The following LAMA2 variants were observed in gnomAD, a reference collection of about 807,000 sequenced individuals.
LAMA2 encodes the protein laminin subunit alpha 2, also known as laminin subunit alpha-2.
LAMA2 carries 269 observed loss-of-function variants against 364.8 expected under a neutral mutation model. The ratio of observed to expected loss-of-function variants is 0.74; its 90% confidence interval spans 0.67 to 0.82. The LOEUF (loss-of-function observed/expected upper bound fraction) is 0.82. Ranked by LOEUF, LAMA2 falls within the 40% of genes least tolerant of loss-of-function variation. LAMA2 has a pLI of 0.00. For missense variants in LAMA2, 3,807 were observed against 3,873.2 expected (o/e 0.98, Z 0.45); for synonymous variants, 1,379 against 1,370.6 (o/e 1.01, Z -0.14).
rs867009340 is a variant in LAMA2 at position 129,115,995 on chromosome 6, G to A, written c.639+17580G>A. Among the ~76,000 whole-genome samples the A allele has an allele frequency of 3.3e-5, 5 of 152,008 alleles. No homozygotes were observed. The South Asian group carries it at 1.0e-3, about 31-fold the overall frequency. ...TTTTATGCATGCAATTAGCAATTTG[G>A]GATTTGCACAAGGTTTTTCCAGAGT... On this transcript the variant is annotated intron_variant, in intron 4 of 64. Transcript: ENST00000421865.
chr6:129,290,138 T>A (rs750153498), intron 19 of LAMA2, among the ~76,000 whole-genome samples: 22 of 152,162 alleles, frequency 1.4e-4, no homozygotes, highest in Non-Finnish European at 2.5e-4. Context: ...TACGATAACA[T>A]TAATTAATTA....
At chr6:129,053,991 G>A (rs1338294035) in intron 2 of LAMA2, among the ~76,000 whole-genome samples, 1 of 152,058 alleles carries the variant, frequency 6.6e-6, no homozygotes, top group Admixed American at 6.5e-5. Context: ...AAAACATATG[G>A]GTCATTAAGC....
At chr6:129,175,240 A>G (rs1780502458) in intron 9 of LAMA2, among the ~76,000 whole-genome samples, 1 of 152,166 alleles carries the variant, frequency 6.6e-6, no homozygotes, top group African/African-American at 2.4e-5. Context: ...TCATAAGTTA[A>G]TTGCCTGTGA....
At chr6:129,359,330 A>G (rs899291668) in intron 32 of LAMA2, among the ~76,000 whole-genome samples, 2 of 149,816 alleles carry the variant, frequency 1.3e-5, no homozygotes, top group African/African-American at 4.9e-5. Flanking sequence ...ATCATAAAAC[A>G]TATATATAAA....
At chr6:129,020,368 A>C (rs1049364318) in intron 1 of LAMA2, among the ~76,000 whole-genome samples, 5 of 152,308 alleles carry the variant, frequency 3.3e-5, no homozygotes, top group East Asian at 3.9e-4. Context: ...TAGACAGATT[A>C]ACATGAGAAA....
At chr6:129,324,326 T>C (rs1994618) in intron 28 of LAMA2, among the ~76,000 whole-genome samples, 2,096 of 152,294 alleles carry the variant, frequency 0.014, 105 homozygotes, top group Admixed American at 0.098. Context: ...GAACCTACCA[T>C]TGATTGAGTG....
intron 3 of LAMA2, among the ~76,000 whole-genome samples, chr6:129,081,487 A>T (rs1774054750): frequency 6.6e-6 from 1 of 152,200 alleles, no homozygotes; most frequent in Admixed American, 6.5e-5. Context: ...ATTAAATGCT[A>T]TTCATTGGTC....
chr6:129,230,291 G>A (rs1299342725), intron 12 of LAMA2, among the ~76,000 whole-genome samples: 2 of 152,144 alleles, frequency 1.3e-5, no homozygotes, highest in Non-Finnish European at 2.9e-5. Flanking sequence ...TAAGAAATGA[G>A]AATTGACCAT....
At chr6:129,486,992 T>C (rs1231727708) in intron 56 of LAMA2, among the ~76,000 whole-genome samples, 4 of 152,220 alleles carry the variant, frequency 2.6e-5, no homozygotes, top group Non-Finnish European at 1.5e-5. Context: ...CCAGCAGGCT[T>C]TGGCGGTTTC....
chr6:128,907,504 A>T (rs1170877212), intron 1 of LAMA2, among the ~76,000 whole-genome samples: 5 of 152,078 alleles, frequency 3.3e-5, no homozygotes, highest in African/African-American at 1.2e-4. Flanking sequence ...GACTTTGCTG[A>T]AGTTGCTTAT....
At position 129,116,799 on chromosome 6, in the gene LAMA2, T is replaced by G. The variant is rs114150993; in HGVS notation, c.639+18384T>G. On this transcript the variant is annotated intron_variant, in intron 4 of 64. Transcript: ENST00000421865. ...CAGGTTGTCTGGTTTTTTACTATTT[T>G]TCTTATCCATAGCAAGGTTGGTGCT... 8.9e-3 allele frequency among the ~76,000 whole-genome samples: 1,350 copies of G among 152,140 alleles called. 27 individuals carry two copies. Among genetic ancestry groups the G allele is most frequent in the African/African-American group, 0.031 (1,305 of 41,518 alleles).
At chr6:128,954,351 TG>T in intron 1 of LAMA2, among the ~76,000 whole-genome samples, 1 of 152,134 alleles carries the variant, frequency 6.6e-6, no homozygotes, top group East Asian at 1.9e-4. Context: ...TTAAATAAAG[TG>T]AAGGTATGAA....
chr6:129,302,675 TTTTTA>T (rs763010834), intron 22 of LAMA2, among the ~76,000 whole-genome samples: 61 of 152,120 alleles, frequency 4.0e-4, no homozygotes, highest in Non-Finnish European at 6.9e-4. Flanking sequence ...CAGAGCTCAC[TTTTTA>T]TGGATACCCA....
At chr6:128,909,139 A>T (rs1257398258) in intron 1 of LAMA2, among the ~76,000 whole-genome samples, 1 of 151,640 alleles carries the variant, frequency 6.6e-6, no homozygotes, top group Non-Finnish European at 1.5e-5. Flanking sequence ...AGTTCTGTAG[A>T]TGTCTATCAG....
intron 1 of LAMA2, among the ~76,000 whole-genome samples, chr6:128,946,607 A>G (rs1195563648): frequency 6.6e-6 from 1 of 152,240 alleles, no homozygotes; most frequent in African/African-American, 2.4e-5. Flanking sequence ...CTGTACCACC[A>G]AATAGCCCAT....
At chr6:129,011,866 G>A (rs1354672036) in intron 1 of LAMA2, among the ~76,000 whole-genome samples, 1 of 152,208 alleles carries the variant, frequency 6.6e-6, no homozygotes, top group Admixed American at 6.5e-5. Flanking sequence ...AATGTCCTAA[G>A]CCTCTTTTAT....
intron 1 of LAMA2, among the ~76,000 whole-genome samples, chr6:128,919,934 A>G (rs73773559): frequency 0.01 from 1,535 of 152,192 alleles, 31 homozygotes; most frequent in African/African-American, 0.035. Context: ...TGACCACCTT[A>G]TTTATAATGT....
At chr6:129,458,789 A>G (rs913108401) in intron 48 of LAMA2, among the ~76,000 whole-genome samples, 4 of 152,024 alleles carry the variant, frequency 2.6e-5, no homozygotes, top group Non-Finnish European at 4.4e-5. Context: ...GTAGTAGGCT[A>G]TACCATCTAG....
intron 1 of LAMA2, chr6:128,929,523 C>T: frequency 3.4e-6 from 3 of 888,628 alleles, no homozygotes; most frequent in Non-Finnish European, 3.9e-6. Flanking sequence ...CTGCTTGTAC[C>T]TGTAGAGAAA....
Sources: allele counts gnomAD v4.1 joint callset (sites outside exome capture counted in the v4.1 genomes callset), GRCh38; gene constraint gnomAD v4.1.1; transcripts MANE v1.5; gene names NCBI Gene and HGNC (gene_info 2026-07-23, HGNC 2026-07-21).